WWP2: variants seen among roughly 807,000 people sequenced by gnomAD.
The protein encoded by WWP2 is WW domain containing E3 ubiquitin protein ligase 2, also known as NEDD4-like E3 ubiquitin-protein ligase WWP2.
In WWP2, 57 loss-of-function variants were observed where a neutral mutation model predicts 121.0. The ratio of observed to expected loss-of-function variants is 0.47; its 90% CI spans 0.38 to 0.59. The LOEUF (loss-of-function observed/expected upper bound fraction) is 0.59. Among genes scored for constraint, WWP2 ranks in the 20% least tolerant of loss-of-function variants. The pLI is 0.00. For missense variants in WWP2, 962 were observed against 1,158.9 expected (o/e 0.83, Z 2.47); for synonymous variants, 449 against 441.3 (o/e 1.02, Z -0.22).
intron 8 of WWP2, among the ~76,000 whole-genome samples, chr16:69,890,290 C>T (rs556360050): frequency 1.5e-4 from 23 of 152,232 alleles, no homozygotes; most frequent in African/African-American, 5.3e-4. Context: ...ACCTAACTCC[C>T]GTCTGTTCAG....
At chr16:69,797,201 G>A (rs1171709327) in intron 2 of WWP2, among the ~76,000 whole-genome samples, 2 of 152,200 alleles carry the variant, frequency 1.3e-5, no homozygotes, top group Admixed American at 1.3e-4. Flanking sequence ...TGGCTTGCTG[G>A]TCCCAAACGA....
At chr16:69,763,713 C>T (rs1199329966) in intron 1 of WWP2, among the ~76,000 whole-genome samples, 2 of 152,220 alleles carry the variant, frequency 1.3e-5, no homozygotes, top group African/African-American at 4.8e-5. Context: ...TGGCCTCTTC[C>T]TGCTAGATTG....
At chr16:69,817,474 T>C (rs932540703) in intron 4 of WWP2, among the ~76,000 whole-genome samples, 1 of 152,110 alleles carries the variant, frequency 6.6e-6, no homozygotes, top group African/African-American at 2.4e-5. Flanking sequence ...GGTCTCGAAC[T>C]CCTGACATCA....
chr16:69,865,324 A>G (rs190719529), intron 6 of WWP2, among the ~76,000 whole-genome samples: 1 of 152,340 alleles, frequency 6.6e-6, no homozygotes, highest in East Asian at 1.9e-4. Context: ...TGCTGGGATT[A>G]CAGGCATGAG....
At chr16:69,765,896 C>T (rs1249396517) in intron 1 of WWP2, among the ~76,000 whole-genome samples, 1 of 152,100 alleles carries the variant, frequency 6.6e-6, no homozygotes, top group East Asian at 1.9e-4. Context: ...CACTTGGCCT[C>T]AAGACATCCT....
In WWP2 at chr16:69,888,203, C is replaced by G. The variant is rs1372582333; in HGVS notation, c.868C>G (p.Gln290Glu). The G allele has an allele frequency of 2.1e-5, 34 of 1,614,078 alleles. No individual in the cohort carries two copies. The highest frequency in any genetic ancestry group is 8.5e-7 in the Non-Finnish European group (1 of 1,180,044). The change falls in exon 8 of 24, where the codon CAG becomes GAG. Residue 290 changes from glutamine (Q) to glutamate (E), a missense_variant. By Grantham distance (29) the Gln-to-Glu change is conservative (BLOSUM62 2). Coordinates refer to ENST00000359154, the MANE Select transcript of WWP2 (RefSeq NM_001270454.2). ...AGAGGAACCCAGCACTTCGGGTACA[C>G]AGCAGCTCCCAGCGGCTGCCCAGGC... ...EGEEPSTSGT[Q>E]QLPAAAQAPD... is the part of the protein sequence containing the mutation.
At chr16:69,847,322 C>T (rs1002691229) in intron 6 of WWP2, among the ~76,000 whole-genome samples, 1 of 151,596 alleles carries the variant, frequency 6.6e-6, no homozygotes, top group Non-Finnish European at 1.5e-5. Context: ...TGACTTCAGG[C>T]GATCCACGCA....
At chr16:69,902,552 T>C (rs2058221268) in intron 8 of WWP2, among the ~76,000 whole-genome samples, 1 of 152,174 alleles carries the variant, frequency 6.6e-6, no homozygotes, top group African/African-American at 2.4e-5. Context: ...TGAACACTGT[T>C]CCTGAGAGCA....
chr16:69,896,468 C>T (rs781606052), intron 8 of WWP2, among the ~76,000 whole-genome samples: 5 of 152,050 alleles, frequency 3.3e-5, no homozygotes, highest in Non-Finnish European at 7.4e-5. Flanking sequence ...ATATTGTGTC[C>T]GTCTTTGTGT....
chr16:69,916,782 C>T (rs2058485249), intron 9 of WWP2, among the ~76,000 whole-genome samples: 1 of 152,086 alleles, frequency 6.6e-6, no homozygotes, highest in Non-Finnish European at 1.5e-5. Flanking sequence ...CTCTAGCAGG[C>T]AGAATCCAGA....
chr16:69,841,968 A>G, intron 5 of WWP2, 56 bp from the exon 6 acceptor site: 1 of 1,544,736 alleles, frequency 6.5e-7, no homozygotes. Context: ...CAAATCTCAA[A>G]CACGAGTTGA....
chr16:69,792,245 C>G (rs2055928966), intron 2 of WWP2, among the ~76,000 whole-genome samples: 1 of 152,092 alleles, frequency 6.6e-6, no homozygotes, highest in Non-Finnish European at 1.5e-5. Context: ...TGATATTTTA[C>G]TAGAGAAACA....
At chr16:69,839,712 A>C (rs1003714364) in intron 4 of WWP2, among the ~76,000 whole-genome samples, 1 of 152,238 alleles carries the variant, frequency 6.6e-6, no homozygotes, top group Admixed American at 6.5e-5. Flanking sequence ...CCTCATCTAG[A>C]TGGAGATGCC....
At chr16:69,765,749 G>C (rs889974079) in intron 1 of WWP2, among the ~76,000 whole-genome samples, 1 of 152,108 alleles carries the variant, frequency 6.6e-6, no homozygotes, top group Non-Finnish European at 1.5e-5. Context: ...GCTTGAGCTC[G>C]GGAGATGGAG....
chr16:69,831,308 G>A (rs1190761940), intron 4 of WWP2, among the ~76,000 whole-genome samples: 1 of 152,122 alleles, frequency 6.6e-6, no homozygotes, highest in Non-Finnish European at 1.5e-5. Flanking sequence ...GGTGGTATGG[G>A]GTGGGGAGGG....
chr16:69,767,861 A>G (rs1047988992), intron 1 of WWP2, among the ~76,000 whole-genome samples: 1 of 152,134 alleles, frequency 6.6e-6, no homozygotes, highest in Admixed American at 6.6e-5. Flanking sequence ...CTTTTGAGAC[A>G]AGGTCTCATT....
At chr16:69,867,137 A>G (rs911652515) in intron 6 of WWP2, among the ~76,000 whole-genome samples, 10 of 143,778 alleles carry the variant, frequency 7.0e-5, no homozygotes, top group Non-Finnish European at 1.5e-4. Flanking sequence ...CACCTGGCCA[A>G]GGCTTTTTTT....
chr16:69,811,292 C>T (rs1430360538), intron 4 of WWP2, among the ~76,000 whole-genome samples: 1 of 151,958 alleles, frequency 6.6e-6, no homozygotes, highest in Non-Finnish European at 1.5e-5. Flanking sequence ...AGGTTTTTTC[C>T]CTCCCCAATT....
At chr16:69,843,997 G>C (rs2057024838) in intron 6 of WWP2, among the ~76,000 whole-genome samples, 1 of 152,260 alleles carries the variant, frequency 6.6e-6, no homozygotes, top group Admixed American at 6.5e-5. Context: ...AGCTTCTCCA[G>C]ATTTGGTTGT....
Sources: gnomAD v4.1 joint callset for allele counts (sites outside exome capture counted in the v4.1 genomes callset) on GRCh38, gnomAD v4.1.1 for gene constraint, MANE v1.5 for transcripts, NCBI Gene and HGNC (gene_info 2026-07-23, HGNC 2026-07-21) for gene names.